Variants in ZSCAN25 observed in about 807,000 individuals in gnomAD.
ZSCAN25 encodes the protein zinc finger and SCAN domain containing 25.
In ZSCAN25, 27 loss-of-function variants were observed where a neutral mutation model predicts 38.7. The observed-to-expected ratio is 0.70, with a 90% CI of 0.51 to 0.96. ZSCAN25 has a LOEUF of 0.96. Ranked by LOEUF, ZSCAN25 falls within the 40% of genes least tolerant of loss-of-function variation. The pLI is 0.00. For missense variants in ZSCAN25, 637 were observed against 705.9 expected (o/e 0.90, Z 1.11); for synonymous variants, 273 against 277.7 (o/e 0.98, Z 0.17).
chr7:99,707,294 A>C, the ZSCAN25 span, among the ~76,000 whole-genome samples: 5 of 152,144 alleles, frequency 3.3e-5, no homozygotes, highest in Non-Finnish European at 5.9e-5. Flanking sequence ...TTCACATGAG[A>C]AGCAATGGGG....
chr7:99,709,258 G>T, the ZSCAN25 span: 1 of 1,613,672 alleles, frequency 6.2e-7, no homozygotes, highest in Non-Finnish European at 8.5e-7. Flanking sequence ...TAGGTGGGTG[G>T]TGCCTGAAAA....
chr7:99,727,826 A>G, the ZSCAN25 span, among the ~76,000 whole-genome samples: 1 of 152,192 alleles, frequency 6.6e-6, no homozygotes, highest in Admixed American at 6.5e-5. Context: ...AATGCTGTCC[A>G]TATCCTGCAC....
the ZSCAN25 span, among the ~76,000 whole-genome samples, chr7:99,694,364 G>A: frequency 5.9e-5 from 9 of 152,324 alleles, no homozygotes; most frequent in African/African-American, 1.7e-4. Flanking sequence ...GTTGTTGAGT[G>A]AGAAAAGGAG....
the ZSCAN25 span, chr7:99,720,434 G>A: frequency 1.9e-6 from 3 of 1,612,806 alleles, no homozygotes; most frequent in Non-Finnish European, 2.5e-6. Flanking sequence ...AAACAGAGTT[G>A]ATTAAACATC....
rs1452416730 is a variant in ZSCAN25, at chr7:99,629,076, G to C, written c.806-115G>C. 1.4e-6 allele frequency: 2 copies of C among 1,409,482 alleles called. No homozygotes were observed. The highest frequency in any genetic ancestry group is 2.9e-5 in the African/African-American group (2 of 69,294). The allele number at this position is 1,409,482 out of a possible 1,614,324, so 87.3% of individuals were successfully genotyped here. A position where few individuals can be genotyped will look rare whatever the true frequency, so the allele number is the denominator to read the frequency against. On this transcript the variant is annotated intron_variant, in intron 7 of 7. Coordinates refer to ENST00000394152, the MANE Select transcript of ZSCAN25 (RefSeq NM_145115.3). The surrounding 1 kb of genome is among the most constrained non-coding windows in gnomAD (Gnocchi z 5.6). ...AAGGAAAGCCTGAGTTGAGGTTGTT[G>C]GTCAAAGGAAAAAAGAGAAGGAACC...
the ZSCAN25 span, among the ~76,000 whole-genome samples, chr7:99,682,051 C>T: frequency 1.3e-5 from 2 of 152,278 alleles, no homozygotes; most frequent in South Asian, 2.1e-4. Flanking sequence ...TCACTGCCAC[C>T]TCCGCCTCCT....
chr7:99,660,329 A>G, the ZSCAN25 span: 2 of 1,270,112 alleles, frequency 1.6e-6, no homozygotes, highest in East Asian at 3.8e-5. Context: ...GCCAGTAGCA[A>G]CCGTTCTCTA....
downstream of ZSCAN25, among the ~76,000 whole-genome samples, chr7:99,637,068 T>A (rs1481339744): frequency 6.6e-6 from 1 of 152,254 alleles, no homozygotes. Context: ...AACATATTTT[T>A]CAGTGTTCTA....
chr7:99,720,023 A>T, the ZSCAN25 span, among the ~76,000 whole-genome samples: 1 of 144,952 alleles, frequency 6.9e-6, no homozygotes, highest in Admixed American at 7.1e-5. Flanking sequence ...CAACAAACAA[A>T]AACAAAAACA....
chr7:99,689,981 C>T, the ZSCAN25 span, among the ~76,000 whole-genome samples: 4 of 152,144 alleles, frequency 2.6e-5, no homozygotes, highest in Admixed American at 6.5e-5. Flanking sequence ...GAAAAGAGCC[C>T]GCATTGCCAA....
chr7:99,681,808 C>T, the ZSCAN25 span, among the ~76,000 whole-genome samples: 2 of 152,104 alleles, frequency 1.3e-5, no homozygotes, highest in Admixed American at 6.5e-5. Context: ...AGCTTTTTAA[C>T]TTGATCTGAT....
At chr7:99,666,822 G>A in the ZSCAN25 span, 5 of 1,579,760 alleles carry the variant, frequency 3.2e-6, no homozygotes, top group Non-Finnish European at 4.3e-6. Context: ...TGTACATAAA[G>A]ATAAAAGACC....
At position 99,631,972 on chromosome 7, in the gene ZSCAN25, T is replaced by C; in HGVS notation, c.*1952T>C. The C allele has an allele frequency of 1.0e-6, 1 of 985,458 alleles. No individual in the cohort carries two copies. The highest frequency in any genetic ancestry group is 1.2e-6 in the Non-Finnish European group (1 of 829,954). 61.0% of individuals were successfully genotyped at this position (985,458 alleles called of 1,614,324 possible). A position where few individuals can be genotyped will look rare whatever the true frequency, so the allele number is the denominator to read the frequency against. ...CTCAGTGGGAGGCTTCTGGCCTGAGTGTGGCCTTCCCCAGAGGGTGGTTTT... is the reference window on the plus strand; with the variant it reads ...CTCAGTGGGAGGCTTCTGGCCTGAGCGTGGCCTTCCCCAGAGGGTGGTTTT... On this transcript the variant is annotated 3_prime_UTR_variant, in exon 8 of 8. Coordinates refer to ENST00000394152, the MANE Select transcript of ZSCAN25 (RefSeq NM_145115.3).
the ZSCAN25 span, chr7:99,675,979 T>C: frequency 1.4e-6 from 1 of 698,950 alleles, no homozygotes; most frequent in Non-Finnish European, 2.4e-6. Context: ...ACAGGCATGA[T>C]CCACTGCACC....
At chr7:99,717,416 C>T in the ZSCAN25 span, 1 of 1,582,408 alleles carries the variant, frequency 6.3e-7, no homozygotes. Flanking sequence ...TTTTAGGAAG[C>T]TCAAATTCAG....
chr7:99,726,491 A>C, the ZSCAN25 span, among the ~76,000 whole-genome samples: 1 of 152,014 alleles, frequency 6.6e-6, no homozygotes, highest in Non-Finnish European at 1.5e-5. Context: ...CTCCCTCCAC[A>C]ACTCACTATT....
chr7:99,683,107 GA>G, the ZSCAN25 span, among the ~76,000 whole-genome samples: 1 of 152,162 alleles, frequency 6.6e-6, no homozygotes, highest in Non-Finnish European at 1.5e-5. Context: ...ACATTACTTG[GA>G]AATCATTTGA....
chr7:99,622,893 G>T lies in ZSCAN25; in HGVS notation c.681+253G>T, dbSNP rs375995738. ...ACGGTCTTGGCTCACTGCAGGCTCC[G>T]CCTCCTGGGTTCACATCATTCTCCT... On this transcript the variant is annotated intron_variant, in intron 6 of 7. Transcript: ENST00000394152. Among the ~76,000 whole-genome samples, 5 of 152,192 alleles carry T rather than the reference G, an allele frequency of 3.3e-5. No homozygotes were observed. The East Asian group carries it at 9.6e-4, about 29-fold the overall frequency.
chr7:99,632,986 G>GTTTTTTTT (rs201141594), downstream of ZSCAN25, among the ~76,000 whole-genome samples: 16 of 141,516 alleles, frequency 1.1e-4, no homozygotes, highest in South Asian at 7.3e-4. Flanking sequence ...TGCATTTTCT[G>GTTTTTTTT]TTGTTTTTTT....
Sources: allele counts gnomAD v4.1 joint callset (sites outside exome capture counted in the v4.1 genomes callset), GRCh38; gene constraint gnomAD v4.1.1; non-coding constraint Gnocchi (gnomAD v3.1); transcripts MANE v1.5; gene names NCBI Gene and HGNC (gene_info 2026-07-23, HGNC 2026-07-21).